Variants in KHDRBS2 observed in about 807,000 individuals in gnomAD.
The protein encoded by KHDRBS2 is KH RNA binding domain containing, signal transduction associated 2, also known as KH domain-containing, RNA-binding, signal transduction-associated protein 2.
Under a neutral mutation model 44.3 loss-of-function variants are expected in KHDRBS2, and 26 were observed. The observed-to-expected ratio is 0.59, with a 90% CI of 0.43 to 0.81. The LOEUF is 0.81. Ranked by LOEUF, KHDRBS2 falls within the 40% of genes least tolerant of loss-of-function variation. The pLI, the probability that KHDRBS2 is intolerant of heterozygous loss-of-function variation, is 0.00. For missense variants in KHDRBS2, 476 were observed against 433.1 expected, an observed-to-expected ratio of 1.10 and a Z score of -0.88; for synonymous variants, 194 against 151.1, an observed-to-expected ratio of 1.28 and a Z score of -2.08.
At chr6:61,556,237 C>T in the KHDRBS2 span, among the ~76,000 whole-genome samples, 14 of 152,218 alleles carry the variant, frequency 9.2e-5, no homozygotes, top group South Asian at 4.2e-4. Flanking sequence ...ATAGCAGCAT[C>T]GGGCAGGGGG....
intron 6 of KHDRBS2, among the ~76,000 whole-genome samples, chr6:61,826,690 A>G (rs1790921743): frequency 6.6e-6 from 1 of 152,094 alleles, no homozygotes. Flanking sequence ...AAAGAAACTC[A>G]CGTTGAGTGT....
At chr6:61,743,955 G>C (rs1386411824) in intron 6 of KHDRBS2, among the ~76,000 whole-genome samples, 7 of 151,964 alleles carry the variant, frequency 4.6e-5, no homozygotes, top group African/African-American at 1.7e-4. Flanking sequence ...CAAAGGACAT[G>C]AACTCACCAT....
intron 1 of KHDRBS2, among the ~76,000 whole-genome samples, chr6:62,195,354 T>C (rs1825462578): frequency 2.0e-5 from 3 of 152,208 alleles, no homozygotes; most frequent in Admixed American, 6.5e-5. Flanking sequence ...TATATTTTGA[T>C]ATTTATATCC....
chr6:62,088,176 C>A (rs1232709674), intron 2 of KHDRBS2, among the ~76,000 whole-genome samples: 2 of 152,136 alleles, frequency 1.3e-5, no homozygotes, highest in Non-Finnish European at 2.9e-5. Context: ...TATTAGCCAC[C>A]TTCTGAAGTC....
chr6:62,163,277 C>T (rs1190719662), intron 2 of KHDRBS2, among the ~76,000 whole-genome samples: 1 of 151,974 alleles, frequency 6.6e-6, no homozygotes, highest in Non-Finnish European at 1.5e-5. Context: ...TTCTTTATTG[C>T]TGCAGAGGCA....
intron 4 of KHDRBS2, among the ~76,000 whole-genome samples, chr6:61,915,945 C>T (rs1232503630): frequency 2.0e-5 from 3 of 152,022 alleles, no homozygotes; most frequent in Admixed American, 2.0e-4. Context: ...TCCAAAGCAT[C>T]AGTAAGTACA....
At chr6:61,686,610 T>A (rs930440653) in intron 8 of KHDRBS2, among the ~76,000 whole-genome samples, 20 of 151,754 alleles carry the variant, frequency 1.3e-4, no homozygotes, top group African/African-American at 4.8e-4. Flanking sequence ...ATCACAGTGC[T>A]AGGTGTTTTG....
chr6:62,227,683 T>C (rs945560705), intron 1 of KHDRBS2, among the ~76,000 whole-genome samples: 2 of 152,188 alleles, frequency 1.3e-5, no homozygotes, highest in Admixed American at 6.5e-5. Flanking sequence ...TTGTTTTTAT[T>C]TTGAGATATG....
chr6:61,706,955 AAAAC>A (rs1769680760), intron 7 of KHDRBS2, among the ~76,000 whole-genome samples: 1 of 150,840 alleles, frequency 6.6e-6, no homozygotes, highest in Non-Finnish European at 1.5e-5. Flanking sequence ...AACAAAAACA[AAAAC>A]AAAACAGTTA....
chr6:61,630,098 T>C, the KHDRBS2 span: 1 of 152,212 alleles, frequency 6.6e-6, no homozygotes, highest in Non-Finnish European at 1.5e-5. Context: ...TGTGCTGATA[T>C]AATAGTCTAT....
intron 6 of KHDRBS2, among the ~76,000 whole-genome samples, chr6:61,889,052 A>G (rs981145915): frequency 7.9e-5 from 12 of 152,198 alleles, no homozygotes; most frequent in African/African-American, 2.9e-4. Flanking sequence ...ATTAATATCT[A>G]TGACTTCAAA....
intron 6 of KHDRBS2, among the ~76,000 whole-genome samples, chr6:61,810,702 G>A (rs1274673246): frequency 6.6e-6 from 1 of 151,746 alleles, no homozygotes; most frequent in African/African-American, 2.4e-5. Flanking sequence ...ACTGACTTCA[G>A]GTACAAAACT....
At chr6:62,116,617 A>G (rs748940385) in intron 2 of KHDRBS2, among the ~76,000 whole-genome samples, 4 of 152,152 alleles carry the variant, frequency 2.6e-5, no homozygotes, top group Non-Finnish European at 4.4e-5. Context: ...GGAACATTCT[A>G]AAGCTTATGT....
At chr6:61,984,042 T>C (rs533214824) in intron 3 of KHDRBS2, among the ~76,000 whole-genome samples, 2 of 152,188 alleles carry the variant, frequency 1.3e-5, no homozygotes, top group Non-Finnish European at 2.9e-5. Context: ...AAAAGCTTTC[T>C]GACTTCACAT....
At chr6:61,735,050 C>A (rs573774433) in intron 6 of KHDRBS2, among the ~76,000 whole-genome samples, 1 of 151,182 alleles carries the variant, frequency 6.6e-6, no homozygotes, top group South Asian at 2.1e-4. Flanking sequence ...CTTTCAATAA[C>A]CTCTATTAAG....
intron 2 of KHDRBS2, among the ~76,000 whole-genome samples, chr6:62,089,892 A>G (rs1291047929): frequency 6.6e-6 from 1 of 152,180 alleles, no homozygotes; most frequent in Non-Finnish European, 1.5e-5. Context: ...AGGTCTAAGA[A>G]AAACTTAGAA....
chr6:61,639,958 A>G, the KHDRBS2 span, among the ~76,000 whole-genome samples: 1 of 152,124 alleles, frequency 6.6e-6, no homozygotes, highest in African/African-American at 2.4e-5. Flanking sequence ...CATAGTAACC[A>G]AAAGTGATGT....
chr6:62,264,350 C>T (rs1490005519), intron 1 of KHDRBS2, among the ~76,000 whole-genome samples: 2 of 151,800 alleles, frequency 1.3e-5, no homozygotes, highest in Non-Finnish European at 2.9e-5. Flanking sequence ...ATTACCTATT[C>T]CTTTAATCAA....
intron 2 of KHDRBS2, among the ~76,000 whole-genome samples, chr6:62,072,721 T>C (rs1194886280): frequency 6.6e-6 from 1 of 152,188 alleles, no homozygotes; most frequent in Non-Finnish European, 1.5e-5. Context: ...AGCTTTTTGA[T>C]GTGCTGCTGG....
Sources: allele counts gnomAD v4.1 joint callset (sites outside exome capture counted in the v4.1 genomes callset), GRCh38; gene constraint gnomAD v4.1.1; transcripts MANE v1.5; gene names NCBI Gene and HGNC (gene_info 2026-07-23, HGNC 2026-07-21).